FAM131B: variants seen among roughly 807,000 people sequenced by gnomAD.
FAM131B encodes family with sequence similarity 131 member B.
In FAM131B, 19 loss-of-function variants were observed where a neutral mutation model predicts 42.0. That is an observed-to-expected ratio of 0.45 (90% confidence interval 0.32 to 0.66). The LOEUF is 0.66. FAM131B is among the 30% of genes least tolerant of loss of function. FAM131B has a pLI of 0.05. For synonymous variants in FAM131B, 183 were observed against 177.6 expected (o/e 1.03, Z -0.24); for missense variants, 370 against 468.4 (o/e 0.79, Z 1.94).
upstream of FAM131B, among the ~76,000 whole-genome samples, chr7:143,365,496 T>G (rs183557444): frequency 9.8e-4 from 150 of 152,336 alleles, no homozygotes; most frequent in Admixed American, 2.1e-3. Flanking sequence ...AAGATATTCT[T>G]CTTGCATTGC....
At chr7:143,369,826 G>A in the FAM131B span, among the ~76,000 whole-genome samples, 1,082 of 152,182 alleles carry the variant, frequency 7.1e-3, 7 homozygotes, top group Non-Finnish European at 0.012. Flanking sequence ...TAGTGTATAG[G>A]TTCAGACCAC....
chr7:143,362,383 G>A lies in FAM131B; in HGVS notation c.28+193C>T, dbSNP rs538688440. On this transcript the variant is annotated intron_variant, in intron 1 of 6. Transcript: ENST00000443739. This position sits in a 1 kb window ranked among gnomAD's most constrained non-coding sequence, Gnocchi z 7.7. ...GCGAGCCGAGCGGGATGGCAGCCCCGGAGGCGCAAGACGAGAGCGGGCAGG... is the reference window on the plus strand; with the variant it reads ...GCGAGCCGAGCGGGATGGCAGCCCCAGAGGCGCAAGACGAGAGCGGGCAGG... 2.6e-5 allele frequency among the ~76,000 whole-genome samples: 4 copies of A among 152,286 alleles called. No homozygotes were observed. In the South Asian group the frequency reaches 6.2e-4, roughly 24 times the overall value.
chr7:143,364,642 T>C (rs528498043), upstream of FAM131B, among the ~76,000 whole-genome samples: 5 of 152,240 alleles, frequency 3.3e-5, no homozygotes, highest in East Asian at 3.9e-4. Flanking sequence ...GTCTTGAAGG[T>C]ATTTCCAGTC....
chr7:143,360,230 C>T, intron 1 of FAM131B, 81 bp from the exon 2 acceptor site: 1 of 1,539,334 alleles, frequency 6.5e-7, no homozygotes, highest in Non-Finnish European at 8.7e-7. Flanking sequence ...CCCTTCACAC[C>T]CCTTCCTTAC....
At chr7:143,371,090 A>T in the FAM131B span, among the ~76,000 whole-genome samples, 21 of 151,908 alleles carry the variant, frequency 1.4e-4, 1 homozygote, top group East Asian at 3.9e-3. Context: ...TCCATTATTC[A>T]TTCATTCATT....
At position 143,356,050 on chromosome 7, in the gene FAM131B, A is replaced by G. The variant is rs1803633206; in HGVS notation, c.*500T>C. Reference sequence around the variant, plus strand: ...CCCTGCGCCTGTCCAGCCATGTCCAACAGCCCCTGAGGTCTGTTCTCTCAG... The same window carrying G: ...CCCTGCGCCTGTCCAGCCATGTCCAGCAGCCCCTGAGGTCTGTTCTCTCAG... On this transcript the variant is annotated 3_prime_UTR_variant, in exon 7 of 7. Coordinates refer to ENST00000443739, the MANE Select transcript of FAM131B (RefSeq NM_001031690.3). This position sits in a 1 kb window ranked among gnomAD's most constrained non-coding sequence, Gnocchi z 4.4. 1 of 163,106 alleles carries G rather than the reference A, an allele frequency of 6.1e-6. No homozygotes were observed. Among genetic ancestry groups the G allele is most frequent in the African/African-American group, 2.4e-5 (1 of 41,518 alleles). 10.1% of individuals were successfully genotyped at this position (163,106 alleles called of 1,614,324 possible).
the FAM131B span, chr7:143,381,604 C>G: frequency 3.7e-6 from 6 of 1,611,768 alleles, no homozygotes; most frequent in Non-Finnish European, 5.1e-6. Flanking sequence ...CCGCGATCTC[C>G]GTTTCGGTCT....
At chr7:143,370,262 C>T in the FAM131B span, among the ~76,000 whole-genome samples, 6 of 152,088 alleles carry the variant, frequency 3.9e-5, no homozygotes, top group Admixed American at 1.3e-4. Flanking sequence ...AAAGAGCTGC[C>T]GGCACTCATC....
rs745779271 is a variant in FAM131B at position 143,356,720 on chromosome 7, TCTC to T, written c.910_912del (p.Glu304del). 12 of 1,613,856 alleles carry T rather than the reference TCTC, an allele frequency of 7.4e-6. No individual in the cohort carries two copies. The highest frequency in any genetic ancestry group is 1.6e-4 in the Middle Eastern group (1 of 6,084). ...TCCTCCTCAGGTGCCAATGGCCTCTTCTCCTCCTCAGCAGGGCCCCTTGCCAGG... is the reference window on the plus strand; with the variant it reads ...TCCTCCTCAGGTGCCAATGGCCTCTTCTCCTCAGCAGGGCCCCTTGCCAGG... On this transcript the variant is annotated inframe_deletion, in exon 7 of 7. Coordinates refer to ENST00000443739, the MANE Select transcript of FAM131B (RefSeq NM_001031690.3). The surrounding 1 kb of genome is among the most constrained non-coding windows in gnomAD (Gnocchi z 4.4).
At chr7:143,381,931 C>A in the FAM131B span, 1 of 831,048 alleles carries the variant, frequency 1.2e-6, no homozygotes, top group Non-Finnish European at 1.8e-6. Flanking sequence ...CATCGTGGAG[C>A]TCGTGGCTGG....
chr7:143,381,798 G>T, the FAM131B span: 2 of 1,529,292 alleles, frequency 1.3e-6, no homozygotes, highest in Non-Finnish European at 1.8e-6. Flanking sequence ...CGGGGCTTGG[G>T]GAATGTACCC....
At position 143,356,724 on chromosome 7, in the gene FAM131B, C is replaced by T; in HGVS notation, c.909G>A (p.Glu303=). The part of the protein sequence containing the change: ...AVDLARGPAE[E]EKRPLAPEEE... ...CCTCAGGTGCCAATGGCCTCTTCTC[C>T]TCCTCAGCAGGGCCCCTTGCCAGGT... The change falls in exon 7 of 7, where the codon GAG becomes GAA. Residue 303 remains glutamate (E), a synonymous_variant. Coordinates refer to ENST00000443739, the MANE Select transcript of FAM131B (RefSeq NM_001031690.3). The surrounding 1 kb of genome is among the most constrained non-coding windows in gnomAD (Gnocchi z 4.4). 1 of 1,614,150 alleles carries T rather than the reference C, an allele frequency of 6.2e-7. No individual in the cohort carries two copies. The highest frequency in any genetic ancestry group is 8.5e-7 in the Non-Finnish European group (1 of 1,180,022).
the FAM131B span, chr7:143,380,941 T>G: frequency 2.8e-6 from 1 of 358,686 alleles, no homozygotes; most frequent in South Asian, 1.1e-4. The surrounding 1 kb of genome is among the most constrained non-coding windows in gnomAD (Gnocchi z 5.0). Flanking sequence ...CGTGGCTACC[T>G]CGGCGGCACC....
rs1586531004 is a variant in FAM131B at position 143,356,288 on chromosome 7, C to T, written c.*262G>A. ...TTGTCGGCACAGACCCAGAAGCCCA[C>T]AGCCCAGGTCCTTCTCCACAGCCAC... is the stretch of plus-strand genomic sequence containing the variant. On this transcript the variant is annotated 3_prime_UTR_variant, in exon 7 of 7. Coordinates refer to ENST00000443739, the MANE Select transcript of FAM131B (RefSeq NM_001031690.3). The surrounding 1 kb of genome is among the most constrained non-coding windows in gnomAD (Gnocchi z 4.4). 6.1e-6 allele frequency: 3 copies of T among 488,510 alleles called. No homozygotes were observed. Among genetic ancestry groups the T allele is most frequent in the East Asian group, 6.6e-5 (2 of 30,288 alleles). The allele number at this position is 488,510 out of a possible 1,614,324, so 30.3% of individuals were successfully genotyped here. A position where few individuals can be genotyped will look rare whatever the true frequency, so the allele number is the denominator to read the frequency against.
In FAM131B at chr7:143,359,181, G is replaced by A. The variant is rs576539248; in HGVS notation, c.268+145C>T. 99 of 1,007,082 alleles carry A rather than the reference G, an allele frequency of 9.8e-5. No homozygotes were observed. The African/African-American group carries it at 1.4e-3, about 15-fold the overall frequency. The allele number at this position is 1,007,082 out of a possible 1,614,324, so 62.4% of individuals were successfully genotyped here. A position where few individuals can be genotyped will look rare whatever the true frequency, so the allele number is the denominator to read the frequency against. ...GATGGGGTAGTGGAGGGAATGGCCTGGAGGATGGGAGGCTTGACAGAAGGG... is the reference window on the plus strand; with the variant it reads ...GATGGGGTAGTGGAGGGAATGGCCTAGAGGATGGGAGGCTTGACAGAAGGG... On this transcript the variant is annotated intron_variant, in intron 4 of 6. Transcript: ENST00000443739. This position sits in a 1 kb window ranked among gnomAD's most constrained non-coding sequence, Gnocchi z 5.4.
At chr7:143,381,613 C>G in the FAM131B span, 66 of 1,611,966 alleles carry the variant, frequency 4.1e-5, 1 homozygote, top group Middle Eastern at 4.9e-4. Flanking sequence ...CCGTTTCGGT[C>G]TCGGCTCCGG....
rs1394666700 is a variant in FAM131B, at chr7:143,359,433, G to A, written c.175-14C>T. The A allele has an allele frequency of 3.1e-6, 5 of 1,593,900 alleles. No homozygotes were observed. Among genetic ancestry groups the A allele is most frequent in the Admixed American group, 1.7e-5 (1 of 59,870 alleles). On this transcript the variant is annotated splice_polypyrimidine_tract_variant and intron_variant, in intron 3 of 6. Coordinates refer to ENST00000443739, the MANE Select transcript of FAM131B (RefSeq NM_001031690.3). This position sits in a 1 kb window ranked among gnomAD's most constrained non-coding sequence, Gnocchi z 5.4. ...CTCCATGGAGAGCTGGGATGGGAATGTGGGAGGAAGGGCAGAGGAATAAGA... is the reference window on the plus strand; with the variant it reads ...CTCCATGGAGAGCTGGGATGGGAATATGGGAGGAAGGGCAGAGGAATAAGA...
Position 143,360,394 on chromosome 7 carries a change from A to G in FAM131B, c.29-245T>C, listed in dbSNP as rs1290888139. ...GCCTTATTTGTTGTTGTTTATGTGG[A>G]GGGGTCAGAGGTTGGGTTTTATCAG... is the stretch of plus-strand genomic sequence containing the variant. On this transcript the variant is annotated intron_variant, in intron 1 of 6. Coordinates refer to ENST00000443739, the MANE Select transcript of FAM131B (RefSeq NM_001031690.3). The G allele has an allele frequency of 5.9e-6, 8 of 1,362,886 alleles. No homozygotes were observed. In the African/African-American group the frequency reaches 7.3e-5, roughly 12 times the overall value. 84.4% of individuals were successfully genotyped at this position (1,362,886 alleles called of 1,614,324 possible).
At chr7:143,375,784 G>A in the FAM131B span, among the ~76,000 whole-genome samples, 1 of 152,190 alleles carries the variant, frequency 6.6e-6, no homozygotes, top group Admixed American at 6.5e-5. Flanking sequence ...AAACACTCCA[G>A]CTTCTAGGCC....
Sources: gnomAD v4.1 joint callset for allele counts (sites outside exome capture counted in the v4.1 genomes callset) on GRCh38, gnomAD v4.1.1 for gene constraint, Gnocchi (gnomAD v3.1) non-coding constraint, MANE v1.5 for transcripts, NCBI Gene and HGNC (gene_info 2026-07-23, HGNC 2026-07-21) for gene names.